The following NCOA2 variants were observed in gnomAD, a reference collection of about 807,000 sequenced individuals.
NCOA2 encodes class E basic helix-loop-helix protein 75.
A neutral mutation model predicts 145.1 loss-of-function variants in NCOA2; 21 were observed. The ratio of observed to expected loss-of-function variants is 0.14; its 90% confidence interval spans 0.10 to 0.21. The LOEUF is 0.21. Among genes scored for constraint, NCOA2 ranks in the 10% least tolerant of loss-of-function variants. The pLI, the probability that NCOA2 is intolerant of heterozygous loss-of-function variation, is 1.00. For missense variants in NCOA2, 1,472 were observed against 1,837.6 expected (o/e 0.80, Z 3.64); for synonymous variants, 619 against 637.5 (o/e 0.97, Z 0.44).
chr8:70,365,856 G>A (rs939118469), intron 1 of NCOA2, among the ~76,000 whole-genome samples: 1 of 152,110 alleles, frequency 6.6e-6, no homozygotes, highest in Non-Finnish European at 1.5e-5. Context: ...ATTTTAAAAC[G>A]GAGAAAGAAG....
At chr8:70,326,965 A>AG (rs1806642933) in intron 1 of NCOA2, among the ~76,000 whole-genome samples, 1 of 152,206 alleles carries the variant, frequency 6.6e-6, no homozygotes, top group South Asian at 2.1e-4. Context: ...GATCACACTA[A>AG]GGACAATCTT....
chr8:70,314,169 G>A (rs1169855760), intron 1 of NCOA2, among the ~76,000 whole-genome samples: 5 of 81,148 alleles, frequency 6.2e-5, no homozygotes, highest in African/African-American at 2.7e-4. Context: ...GACAGAGCAA[G>A]ACTCTGACTC....
chr8:70,359,326 C>T (rs567902881), intron 1 of NCOA2, among the ~76,000 whole-genome samples: 11 of 152,110 alleles, frequency 7.2e-5, no homozygotes, highest in Admixed American at 2.6e-4. Flanking sequence ...GCCAAAATGT[C>T]GATCAATGAA....
At chr8:70,456,118 T>G in the NCOA2 span, among the ~76,000 whole-genome samples, 8 of 152,090 alleles carry the variant, frequency 5.3e-5, 1 homozygote, top group East Asian at 1.5e-3. Context: ...ACAGACCCTT[T>G]GTTCTAGTCT....
chr8:70,249,593 A>G (rs1431047953), intron 2 of NCOA2, among the ~76,000 whole-genome samples: 7 of 152,152 alleles, frequency 4.6e-5, no homozygotes, highest in Non-Finnish European at 8.8e-5. Context: ...GCATAGGAAG[A>G]CATCAATTGA....
At chr8:70,211,101 C>A (rs1212065547) in intron 4 of NCOA2, among the ~76,000 whole-genome samples, 1 of 152,126 alleles carries the variant, frequency 6.6e-6, no homozygotes, top group East Asian at 1.9e-4. Context: ...CTGGCCCAAA[C>A]AGAGCTGCTG....
chr8:70,139,564 G>T (rs954484961), intron 14 of NCOA2, among the ~76,000 whole-genome samples: 17 of 148,944 alleles, frequency 1.1e-4, no homozygotes, highest in African/African-American at 4.2e-4. Flanking sequence ...AAAATATGCT[G>T]AACAATTAAA....
chr8:70,168,462 G>A (rs528502568), intron 6 of NCOA2, among the ~76,000 whole-genome samples: 2 of 152,258 alleles, frequency 1.3e-5, no homozygotes, highest in South Asian at 4.2e-4. Flanking sequence ...GGGATTACAG[G>A]CACGAGCCAC....
chr8:70,358,297 A>T (rs1809912488), intron 1 of NCOA2, among the ~76,000 whole-genome samples: 2 of 152,218 alleles, frequency 1.3e-5, no homozygotes, highest in African/African-American at 4.8e-5. Flanking sequence ...AGAGGCCCTG[A>T]ATAGTCAAAA....
chr8:70,344,722 G>A (rs997551960), intron 1 of NCOA2, among the ~76,000 whole-genome samples: 1 of 152,170 alleles, frequency 6.6e-6, no homozygotes, highest in Non-Finnish European at 1.5e-5. Flanking sequence ...GCAGGAGAGA[G>A]AGTGCTCCAG....
rs1475835484 is a variant in NCOA2 at position 70,159,543 on chromosome 8, A to G, written c.1086T>C (p.Asn362=). The G allele has an allele frequency of 1.9e-6, 3 of 1,611,400 alleles. No homozygotes were observed. Among genetic ancestry groups the G allele is most frequent in the Non-Finnish European group, 2.5e-6 (3 of 1,177,708 alleles). ...KSKLIRSQTT[N]EPQLVISLHM... ...GTAAAGATATTACAAGTTGAGGTTC[A>G]TTAGTAGTCTGAGAACGGATGAGTT... is the stretch of plus-strand genomic sequence containing the variant. Residue 362 remains asparagine, a synonymous_variant, in exon 10 of 23, where the codon AAT becomes AAC. Transcript: ENST00000452400.
At chr8:70,115,463 G>A (rs1330360685) in intron 22 of NCOA2, among the ~76,000 whole-genome samples, 2 of 152,232 alleles carry the variant, frequency 1.3e-5, no homozygotes, top group African/African-American at 4.8e-5. Context: ...CACTTTAGGG[G>A]TGGGGTCCAT....
chr8:70,159,242 A>ATATATATATATATATAT, intron 10 of NCOA2, among the ~76,000 whole-genome samples: 5 of 61,076 alleles, frequency 8.2e-5, no homozygotes, highest in African/African-American at 2.2e-4. Context: ...ATATATATAT[A>ATATATATATATATATAT]TTTTTTTTTT....
At chr8:70,341,154 G>A (rs529128645) in intron 1 of NCOA2, among the ~76,000 whole-genome samples, 8 of 151,242 alleles carry the variant, frequency 5.3e-5, no homozygotes, top group African/African-American at 1.9e-4. Context: ...ACTTTGGGAG[G>A]CCAAGGTGGG....
chr8:70,127,160 T>TG, intron 18 of NCOA2, 113 bp from the exon 19 acceptor site: 1 of 725,324 alleles, frequency 1.4e-6, no homozygotes, highest in Non-Finnish European at 2.3e-6. Context: ...TAAAATTATT[T>TG]GGAAAAAAAT....
the NCOA2 span, among the ~76,000 whole-genome samples, chr8:70,421,372 G>GA: frequency 6.6e-6 from 1 of 151,956 alleles, no homozygotes; most frequent in Non-Finnish European, 1.5e-5. Flanking sequence ...GAAACATAGC[G>GA]AGACCCCCAT....
chr8:70,400,045 A>C (rs1388747406), intron 1 of NCOA2, among the ~76,000 whole-genome samples: 1 of 152,226 alleles, frequency 6.6e-6, no homozygotes, highest in Non-Finnish European at 1.5e-5. Context: ...ACTAAGGAGC[A>C]TTACCCCTTT....
chr8:70,246,538 A>AAT (rs1261227396), intron 2 of NCOA2, among the ~76,000 whole-genome samples: 2 of 152,124 alleles, frequency 1.3e-5, no homozygotes, highest in African/African-American at 4.8e-5. Flanking sequence ...ACATATTTTT[A>AAT]ATATATATAT....
Position 70,123,935 on chromosome 8 carries a change from G to A in NCOA2, c.4242C>T (p.Thr1414=). Residue 1414 remains threonine (T), a synonymous_variant, in exon 21 of 23, where the codon ACC becomes ACT. Transcript: ENST00000452400. ...CTGACGTAGGCACGGAGGTCACTGA[G>A]GTCATGCTGATCTGTCCTGTCATCT... ...MNQMTGQISM[T]SVTSVPTSGL... is the part of the protein sequence containing the mutation. The A allele has an allele frequency of 6.2e-7, 1 of 1,613,962 alleles. No homozygotes were observed. Among genetic ancestry groups the A allele is most frequent in the Non-Finnish European group, 8.5e-7 (1 of 1,179,860 alleles).
Sources: gnomAD v4.1 joint callset for allele counts (sites outside exome capture counted in the v4.1 genomes callset) on GRCh38, gnomAD v4.1.1 for gene constraint, MANE v1.5 for transcripts, NCBI Gene and HGNC (gene_info 2026-07-23, HGNC 2026-07-21) for gene names.